Variants in PLCL2 observed in about 807,000 individuals in gnomAD.
PLCL2 encodes the protein inactive phospholipase C-like protein 2.
In PLCL2, 4 loss-of-function variants were observed where a neutral mutation model predicts 79.6. The ratio of observed to expected loss-of-function variants is 0.05; its 90% confidence interval spans 0.02 to 0.11. The LOEUF is 0.11. Ranked by LOEUF, PLCL2 falls within the 10% of genes least tolerant of loss-of-function variation. PLCL2 has a pLI of 1.00. For synonymous variants in PLCL2, 484 were observed against 457.7 expected (o/e 1.06, Z -0.73); for missense variants, 895 against 1,291.0 (o/e 0.69, Z 4.70).
At chr3:17,083,890 A>G (rs1252926741) in intron 5 of PLCL2, among the ~76,000 whole-genome samples, 1 of 152,202 alleles carries the variant, frequency 6.6e-6, no homozygotes, top group Non-Finnish European at 1.5e-5. Flanking sequence ...GTCCAAAAGA[A>G]TGATGCCTAG....
At chr3:17,067,542 C>T (rs577923144) in intron 4 of PLCL2, among the ~76,000 whole-genome samples, 4 of 152,250 alleles carry the variant, frequency 2.6e-5, no homozygotes, top group South Asian at 2.1e-4. Flanking sequence ...CATTACTTTG[C>T]GTTCTTTCTA....
At chr3:16,975,466 C>A (rs1281813358) in intron 1 of PLCL2, among the ~76,000 whole-genome samples, 1 of 152,032 alleles carries the variant, frequency 6.6e-6, no homozygotes. Flanking sequence ...AGTTTGGGAC[C>A]CTTGTGAGGG....
intron 1 of PLCL2, among the ~76,000 whole-genome samples, chr3:16,892,540 A>G (rs904012810): frequency 1.3e-4 from 20 of 152,194 alleles, no homozygotes; most frequent in Non-Finnish European, 1.5e-5. Context: ...ATTGTCATTA[A>G]TATTTGCTAG....
intron 1 of PLCL2, among the ~76,000 whole-genome samples, chr3:16,977,910 C>G (rs1164386477): frequency 6.6e-6 from 1 of 152,206 alleles, no homozygotes; most frequent in Non-Finnish European, 1.5e-5. Context: ...TTGCTGCATC[C>G]TCACATGGTG....
At chr3:16,969,350 G>C (rs1437926272) in intron 1 of PLCL2, among the ~76,000 whole-genome samples, 2 of 152,028 alleles carry the variant, frequency 1.3e-5, no homozygotes, top group Non-Finnish European at 2.9e-5. Context: ...TGGTAGAATT[G>C]AGCTGTGAAT....
chr3:17,043,342 G>C (rs1276640361), intron 4 of PLCL2, among the ~76,000 whole-genome samples: 1 of 152,128 alleles, frequency 6.6e-6, no homozygotes, highest in African/African-American at 2.4e-5. Context: ...AGGGAGAATG[G>C]CTTCTTGTAA....
chr3:16,936,547 ACAAG>A (rs1220064558), intron 1 of PLCL2, among the ~76,000 whole-genome samples: 1 of 152,190 alleles, frequency 6.6e-6, no homozygotes, highest in Non-Finnish European at 1.5e-5. Context: ...GAAAAAGCAA[ACAAG>A]CAGGCATCAT....
intron 1 of PLCL2, among the ~76,000 whole-genome samples, chr3:16,975,960 G>C (rs557612327): frequency 1.3e-5 from 2 of 152,148 alleles, no homozygotes; most frequent in African/African-American, 4.8e-5. Flanking sequence ...GTTGGCTGAA[G>C]CACAGTGCCT....
chr3:17,043,156 G>T (rs1268649473), intron 4 of PLCL2, among the ~76,000 whole-genome samples: 1 of 152,168 alleles, frequency 6.6e-6, no homozygotes, highest in Non-Finnish European at 1.5e-5. Flanking sequence ...ATTAACATTG[G>T]TCTGAGGTAT....
intron 3 of PLCL2, among the ~76,000 whole-genome samples, chr3:17,023,950 C>G (rs1294649155): frequency 6.6e-6 from 1 of 152,190 alleles, no homozygotes; most frequent in Non-Finnish European, 1.5e-5. Flanking sequence ...CCCCATCACA[C>G]TTGTGAGACT....
chr3:16,919,634 C>T (rs1034195717), intron 1 of PLCL2, among the ~76,000 whole-genome samples: 3 of 151,988 alleles, frequency 2.0e-5, no homozygotes, highest in Admixed American at 6.6e-5. Context: ...GTGCTTAGCT[C>T]TTTAATATTT....
intron 1 of PLCL2, among the ~76,000 whole-genome samples, chr3:16,944,665 T>C (rs542176281): frequency 6.6e-6 from 1 of 152,230 alleles, no homozygotes; most frequent in East Asian, 1.9e-4. Flanking sequence ...TGGAGCACCT[T>C]AATCTTGGAC....
At chr3:16,915,809 C>T (rs934963688) in intron 1 of PLCL2, among the ~76,000 whole-genome samples, 10 of 152,134 alleles carry the variant, frequency 6.6e-5, no homozygotes, top group African/African-American at 2.2e-4. Flanking sequence ...TTTGCCTTCC[C>T]ATCCACCACT....
chr3:16,920,764 T>C (rs1697107309), intron 1 of PLCL2, among the ~76,000 whole-genome samples: 1 of 152,238 alleles, frequency 6.6e-6, no homozygotes, highest in Admixed American at 6.5e-5. Context: ...AATAGGATTT[T>C]ATTGGATTGA....
chr3:17,067,992 C>G lies in PLCL2; in HGVS notation c.3131C>G (p.Thr1044Ser). 1 of 1,612,004 alleles carries G rather than the reference C, an allele frequency of 6.2e-7. No individual in the cohort carries two copies. Residue 1044 changes from threonine to serine, a missense_variant, in exon 5 of 6, where the codon ACC (threonine) becomes AGC (serine). Thr to Ser is a moderately conservative substitution (Grantham distance 58). This residue lies in a region of PLCL2 where 298 missense variants were observed against 459.6 expected (regional missense o/e 0.65). Coordinates refer to ENST00000615277, the MANE Select transcript of PLCL2 (RefSeq NM_001144382.2). The stretch of plus-strand genomic sequence containing the variant: ...CATGAACACTTGCACAGCATAGGCA[C>G]CAAGGAAGGTTTGAAGGAAAGAAAA... ...EFHEHLHSIGTKEGLKERKLQ... is the reference protein window; with the variant it reads ...EFHEHLHSIGSKEGLKERKLQ...
At chr3:16,908,313 A>G (rs1297763479) in intron 1 of PLCL2, among the ~76,000 whole-genome samples, 1 of 152,214 alleles carries the variant, frequency 6.6e-6, no homozygotes, top group East Asian at 1.9e-4. Context: ...CAATATTATT[A>G]TATCTGTAAA....
chr3:17,011,730 C>T lies in PLCL2; in HGVS notation c.2384C>T (p.Ala795Val). 2 of 1,614,064 alleles carry T rather than the reference C, an allele frequency of 1.2e-6. No individual in the cohort carries two copies. The highest frequency in any genetic ancestry group is 1.1e-5 in the South Asian group (1 of 91,078). The stretch of plus-strand genomic sequence containing the variant: ...ATCCATGGAATCCCTGCTGATTGTG[C>T]AGAACAAAGGACAAAAACAGTGCAC... ...VEIHGIPADC[A>V]EQRTKTVHQN... The change falls in exon 2 of 6, where the codon GCA (alanine) becomes GTA (valine). Residue 795 changes from alanine to valine, a missense_variant. Coordinates refer to ENST00000615277, the MANE Select transcript of PLCL2 (RefSeq NM_001144382.2). This position sits in a 1 kb window ranked among gnomAD's most constrained non-coding sequence, Gnocchi z 7.9.
At chr3:16,901,281 ACT>A (rs1324759839) in intron 1 of PLCL2, among the ~76,000 whole-genome samples, 3 of 151,990 alleles carry the variant, frequency 2.0e-5, no homozygotes, top group Non-Finnish European at 4.4e-5. Context: ...GATATTAAAG[ACT>A]CTTCAGAATG....
At chr3:17,038,587 T>C (rs1171916938) in intron 3 of PLCL2, among the ~76,000 whole-genome samples, 1 of 152,126 alleles carries the variant, frequency 6.6e-6, no homozygotes, top group Non-Finnish European at 1.5e-5. Context: ...ATTCTAGTAG[T>C]TTCACATTAA....
Sources: gnomAD v4.1 joint callset for allele counts (sites outside exome capture counted in the v4.1 genomes callset) on GRCh38, gnomAD v4.1.1 for gene constraint, gnomAD v4.1.1 regional missense constraint, Gnocchi (gnomAD v3.1) non-coding constraint, MANE v1.5 for transcripts, NCBI Gene and HGNC (gene_info 2026-07-23, HGNC 2026-07-21) for gene names.